SORCS1: variants seen among roughly 807,000 people sequenced by gnomAD.
The protein encoded by SORCS1 is sortilin related VPS10 domain containing receptor 1, also known as VPS10 domain-containing receptor SorCS1.
A neutral mutation model predicts 146.1 loss-of-function variants in SORCS1; 60 were observed. That is an observed-to-expected ratio of 0.41 (90% CI 0.33 to 0.51). The LOEUF is 0.51. SORCS1 is among the 20% of genes least tolerant of loss of function. SORCS1 has a pLI of 0.21. For synonymous variants in SORCS1, 637 were observed against 584.0 expected (o/e 1.09, Z -1.31); for missense variants, 1,352 against 1,487.6 (o/e 0.91, Z 1.50).
intron 2 of SORCS1, among the ~76,000 whole-genome samples, chr10:106,841,045 G>T (rs200131081): frequency 4.7e-4 from 71 of 151,190 alleles, no homozygotes; most frequent in Non-Finnish European, 9.2e-4. Flanking sequence ...TAATAGAGAC[G>T]GGGTTTCACC....
At chr10:107,120,120 T>G (rs1966301799) in intron 1 of SORCS1, among the ~76,000 whole-genome samples, 1 of 152,188 alleles carries the variant, frequency 6.6e-6, no homozygotes, top group Admixed American at 6.6e-5. Flanking sequence ...TTACTGTTTA[T>G]TAGACTTTAA....
intron 5 of SORCS1, among the ~76,000 whole-genome samples, chr10:106,733,876 A>G (rs1856777379): frequency 6.6e-6 from 1 of 152,204 alleles, no homozygotes; most frequent in Non-Finnish European, 1.5e-5. Flanking sequence ...GTCATAGTTC[A>G]TAATGATTTG....
chr10:106,716,389 A>G (rs183784320), intron 6 of SORCS1, among the ~76,000 whole-genome samples: 68 of 152,306 alleles, frequency 4.5e-4, no homozygotes, highest in African/African-American at 1.5e-3. Flanking sequence ...ACATAATGAG[A>G]GTTATTAGAA....
chr10:107,079,149 C>A (rs973899110), intron 1 of SORCS1, among the ~76,000 whole-genome samples: 1 of 151,888 alleles, frequency 6.6e-6, no homozygotes, highest in Non-Finnish European at 1.5e-5. Context: ...TGACATGAAC[C>A]CGGGAGGTGG....
intron 1 of SORCS1, among the ~76,000 whole-genome samples, chr10:107,092,974 C>T (rs1780234777): frequency 6.6e-6 from 1 of 150,624 alleles, no homozygotes. Flanking sequence ...AATAATAATG[C>T]CAGGTAATGA....
intron 3 of SORCS1, among the ~76,000 whole-genome samples, chr10:106,800,439 T>C (rs1305661173): frequency 1.3e-5 from 2 of 151,786 alleles, no homozygotes; most frequent in Non-Finnish European, 2.9e-5. Context: ...TCTGTGTCTG[T>C]GTGTTATAGT....
intron 2 of SORCS1, among the ~76,000 whole-genome samples, chr10:106,876,233 C>A (rs988432022): frequency 4.6e-5 from 7 of 152,102 alleles, no homozygotes; most frequent in Non-Finnish European, 7.4e-5. Context: ...TTATAATCAA[C>A]ATGAATAATT....
intron 1 of SORCS1, among the ~76,000 whole-genome samples, chr10:106,975,955 C>T (rs1197405889): frequency 6.6e-6 from 1 of 152,082 alleles, no homozygotes; most frequent in African/African-American, 2.4e-5. Context: ...CAAGACCAGC[C>T]TGGCCAACGT....
chr10:106,770,393 A>G (rs1355329694), intron 4 of SORCS1, among the ~76,000 whole-genome samples: 1 of 152,228 alleles, frequency 6.6e-6, no homozygotes, highest in African/African-American at 2.4e-5. Context: ...CACAAAATAA[A>G]GGGTGGCCCA....
At chr10:106,887,168 G>T (rs933783273) in intron 2 of SORCS1, among the ~76,000 whole-genome samples, 2 of 152,054 alleles carry the variant, frequency 1.3e-5, no homozygotes, top group Non-Finnish European at 2.9e-5. Flanking sequence ...TTAACAACTG[G>T]CCATAATTGT....
chr10:106,669,269 A>C (rs1268245236), intron 16 of SORCS1, among the ~76,000 whole-genome samples: 1 of 148,812 alleles, frequency 6.7e-6, no homozygotes. Flanking sequence ...ACAACAACAA[A>C]AGACTGGCTT....
chr10:106,575,766 C>T lies in SORCS1; in HGVS notation c.*1654G>A, dbSNP rs1040858875. The T allele has an allele frequency of 6.6e-6, 1 of 152,638 alleles. No individual in the cohort carries two copies. Among genetic ancestry groups the T allele is most frequent in the African/African-American group, 2.4e-5 (1 of 41,452 alleles). The allele number at this position is 152,638 out of a possible 1,614,324, so 9.5% of individuals were successfully genotyped here. On this transcript the variant is annotated 3_prime_UTR_variant, in exon 26 of 26. Transcript: ENST00000263054. ...ATCAAACTCTCACCCTAATGTAAGA[C>T]AAGACCCCCATTTATTCTCTCAGAC...
chr10:106,851,926 A>C (rs928728547), intron 2 of SORCS1, among the ~76,000 whole-genome samples: 4 of 152,082 alleles, frequency 2.6e-5, no homozygotes, highest in African/African-American at 9.7e-5. Flanking sequence ...TATGTTGTTA[A>C]ATTTATGTCT....
intron 5 of SORCS1, among the ~76,000 whole-genome samples, chr10:106,757,283 T>C (rs1858720552): frequency 6.6e-6 from 1 of 152,140 alleles, no homozygotes; most frequent in Non-Finnish European, 1.5e-5. Flanking sequence ...GGAAATTCTA[T>C]GTTATTACCC....
chr10:106,945,998 T>G (rs1377805925), intron 2 of SORCS1, among the ~76,000 whole-genome samples: 1 of 152,204 alleles, frequency 6.6e-6, no homozygotes, highest in Non-Finnish European at 1.5e-5. Context: ...AAATAACAGA[T>G]TCCTGCCTTG....
intron 1 of SORCS1, among the ~76,000 whole-genome samples, chr10:107,036,480 T>C (rs994429338): frequency 6.6e-6 from 1 of 152,158 alleles, no homozygotes; most frequent in Admixed American, 6.5e-5. Context: ...CCCAGACACA[T>C]ATAATACAGA....
chr10:106,808,140 C>T (rs1406961141), intron 3 of SORCS1, among the ~76,000 whole-genome samples: 2 of 152,222 alleles, frequency 1.3e-5, no homozygotes, highest in African/African-American at 2.4e-5. Context: ...CTGCCTCGGC[C>T]TCCCGAGTAG....
At chr10:106,835,165 T>A (rs1479505258) in intron 2 of SORCS1, among the ~76,000 whole-genome samples, 2 of 152,116 alleles carry the variant, frequency 1.3e-5, no homozygotes, top group Non-Finnish European at 2.9e-5. Context: ...TGGCAAAATC[T>A]CCTATCACGC....
intron 18 of SORCS1, among the ~76,000 whole-genome samples, chr10:106,650,765 G>T (rs1251754504): frequency 6.6e-6 from 1 of 152,150 alleles, no homozygotes; most frequent in East Asian, 1.9e-4. Flanking sequence ...AGCATAAAAT[G>T]TTGGACTCAC....
Sources: gnomAD v4.1 joint callset for allele counts (sites outside exome capture counted in the v4.1 genomes callset) on GRCh38, gnomAD v4.1.1 for gene constraint, MANE v1.5 for transcripts, NCBI Gene and HGNC (gene_info 2026-07-23, HGNC 2026-07-21) for gene names.